The following ATR variants were observed in gnomAD, a reference collection of about 807,000 sequenced individuals.
The protein encoded by ATR is serine/threonine-protein kinase ATR.
Under a neutral mutation model 305.3 loss-of-function variants are expected in ATR, and 142 were observed. That is an observed-to-expected ratio of 0.47 (90% CI 0.41 to 0.53). The LOEUF (loss-of-function observed/expected upper bound fraction) is 0.53, where lower values mean the gene tolerates loss of function less well. ATR is among the 20% of genes least tolerant of loss of function. The pLI, the probability that ATR is intolerant of heterozygous loss-of-function variation, is 0.00. For missense variants in ATR, 2,135 were observed against 3,133.1 expected (o/e 0.68, Z 7.60); for synonymous variants, 1,050 against 1,068.1 (o/e 0.98, Z 0.33).
chr3:142,536,405 T>C (rs1038686172), intron 19 of ATR, among the ~76,000 whole-genome samples: 1 of 152,248 alleles, frequency 6.6e-6, no homozygotes, highest in Non-Finnish European at 1.5e-5. Context: ...AAAATCACTC[T>C]ATAATAGTGC....
In ATR at chr3:142,526,592, TTC is replaced by T. The variant is rs1256508141; in HGVS notation, c.3946-2395_3946-2394del. Among the ~76,000 whole-genome samples, 3 of 151,954 alleles carry T rather than the reference TTC, an allele frequency of 2.0e-5. No individual in the cohort carries two copies. In the East Asian group the frequency reaches 5.8e-4, roughly 29 times the overall value. On this transcript the variant is annotated intron_variant, in intron 21 of 46. Transcript: ENST00000350721. ...ATACATTAAGATAATATTCATCAAT[TTC>T]TGTTTTCTTGAGTGTTTTCATTTGA...
chr3:142,553,695 A>C lies in ATR; in HGVS notation c.2578T>G (p.Ser860Ala), dbSNP rs761968912. 6.2e-7 allele frequency: 1 copy of C among 1,612,946 alleles called. No homozygotes were observed. Residue 860 changes from serine to alanine, a missense_variant, in exon 12 of 47, where the codon TCA (serine) becomes GCA (alanine). Transcript: ENST00000350721. ...MKEAYTHAQI[S>A]RNNELKDTLI... Reference sequence around the variant, plus strand: ...GTATCCTTCAGCTCATTATTTCTTGATATTTGGGCATGTGTATATGCTTCC... The same window carrying C: ...GTATCCTTCAGCTCATTATTTCTTGCTATTTGGGCATGTGTATATGCTTCC...
At chr3:142,507,525 T>C (rs1210703915) in intron 28 of ATR, among the ~76,000 whole-genome samples, 2 of 152,202 alleles carry the variant, frequency 1.3e-5, no homozygotes, top group Non-Finnish European at 2.9e-5. Flanking sequence ...TAAAAAGTCT[T>C]CTATTATTTG....
intron 1 of ATR, among the ~76,000 whole-genome samples, chr3:142,571,371 C>A (rs1244639066): frequency 1.3e-5 from 2 of 151,944 alleles, no homozygotes; most frequent in African/African-American, 4.8e-5. Flanking sequence ...GAGGCTGAGG[C>A]AGGAGAATCG....
chr3:142,536,412 G>C (rs1256934361), intron 19 of ATR, among the ~76,000 whole-genome samples: 1 of 152,162 alleles, frequency 6.6e-6, no homozygotes, highest in Non-Finnish European at 1.5e-5. Flanking sequence ...CTCTATAATA[G>C]TGCTACAATA....
At chr3:142,467,270 G>A (rs2071152991) in intron 39 of ATR, among the ~76,000 whole-genome samples, 1 of 151,934 alleles carries the variant, frequency 6.6e-6, no homozygotes, top group African/African-American at 2.4e-5. Flanking sequence ...ATCCTTGGGG[G>A]TTTTTCTCTA....
chr3:142,528,858 T>C (rs1225609151), intron 21 of ATR, among the ~76,000 whole-genome samples: 2 of 58,094 alleles, frequency 3.4e-5, no homozygotes, highest in Non-Finnish European at 6.0e-5. Flanking sequence ...AATTATCATA[T>C]ATATATATAT....
intron 42 of ATR, among the ~76,000 whole-genome samples, chr3:142,461,053 C>T (rs2071014291): frequency 6.6e-6 from 1 of 152,146 alleles, no homozygotes; most frequent in African/African-American, 2.4e-5. Context: ...CATCAAATGT[C>T]AACTCCTTAA....
intron 45 of ATR, among the ~76,000 whole-genome samples, chr3:142,453,621 C>G (rs2070839307): frequency 6.6e-6 from 1 of 152,090 alleles, no homozygotes; most frequent in African/African-American, 2.4e-5. Context: ...TTTTTCTGCA[C>G]CCTAAACATC....
At chr3:142,499,104 C>A in intron 31 of ATR, 1 of 378,774 alleles carries the variant, frequency 2.6e-6, no homozygotes. Context: ...TGGTCTAGAG[C>A]TCTTGGCTTC....
chr3:142,450,211 G>T, intron 46 of ATR: 3 of 536,896 alleles, frequency 5.6e-6, no homozygotes, highest in South Asian at 3.5e-5. Context: ...CTCCAAATAT[G>T]ACTTATGTTC....
intron 46 of ATR, chr3:142,452,909 G>T (rs2070823783): frequency 2.2e-6 from 3 of 1,388,078 alleles, no homozygotes; most frequent in Non-Finnish European, 2.8e-6. Flanking sequence ...AGTGTGCCAT[G>T]AACTTTTATT....
At chr3:142,527,070 TGA>T (rs2033425905) in intron 21 of ATR, among the ~76,000 whole-genome samples, 1 of 152,214 alleles carries the variant, frequency 6.6e-6, no homozygotes, top group African/African-American at 2.4e-5. Context: ...ATTACAGGCA[TGA>T]GCCACTACAC....
At chr3:142,457,127 C>T (rs920357749) in intron 45 of ATR, among the ~76,000 whole-genome samples, 1 of 152,020 alleles carries the variant, frequency 6.6e-6, no homozygotes, top group Non-Finnish European at 1.5e-5. Flanking sequence ...CAATAAAAAA[C>T]AATGAAGTAC....
chr3:142,481,369 T>A (rs977685155), intron 36 of ATR, among the ~76,000 whole-genome samples: 1 of 152,256 alleles, frequency 6.6e-6, no homozygotes, highest in African/African-American at 2.4e-5. Flanking sequence ...TATTTGGATA[T>A]GTTGAACCAT....
At chr3:142,572,724 G>A (rs2035315365) in intron 1 of ATR, among the ~76,000 whole-genome samples, 1 of 151,906 alleles carries the variant, frequency 6.6e-6, no homozygotes, top group African/African-American at 2.4e-5. Context: ...AGCCAAGATT[G>A]TGTCACTGCA....
chr3:142,516,687 A>G (rs2032873866), intron 24 of ATR, among the ~76,000 whole-genome samples: 1 of 151,978 alleles, frequency 6.6e-6, no homozygotes, highest in Non-Finnish European at 1.5e-5. Flanking sequence ...ATCTTTCCCT[A>G]TTGCAAAAAA....
intron 46 of ATR, chr3:142,451,934 C>G: frequency 8.0e-7 from 1 of 1,242,386 alleles, no homozygotes; most frequent in Non-Finnish European, 1.0e-6. Flanking sequence ...GTATCCAGTA[C>G]AAGCCAAGTA....
At chr3:142,453,046 G>C in intron 46 of ATR, 82 bp downstream of exon 46, 1 of 1,593,246 alleles carries the variant, frequency 6.3e-7, no homozygotes, top group East Asian at 2.3e-5. Flanking sequence ...CTCATGCATA[G>C]AGATGAGAAC....
Sources: gnomAD v4.1 joint callset for allele counts (sites outside exome capture counted in the v4.1 genomes callset) on GRCh38, gnomAD v4.1.1 for gene constraint, MANE v1.5 for transcripts, NCBI Gene and HGNC (gene_info 2026-07-23, HGNC 2026-07-21) for gene names.